RTN4RL1: variants seen among roughly 807,000 people sequenced by gnomAD.
RTN4RL1 encodes the protein reticulon 4 receptor like 1, also known as reticulon-4 receptor-like 1.
Under a neutral mutation model 25.6 loss-of-function variants are expected in RTN4RL1, and 7 were observed. The ratio of observed to expected loss-of-function variants is 0.27; its 90% CI spans 0.16 to 0.51. The LOEUF (loss-of-function observed/expected upper bound fraction) is 0.51. RTN4RL1 is among the 20% of genes least tolerant of loss of function. RTN4RL1 has a pLI of 0.97. For missense variants in RTN4RL1, 500 were observed against 615.6 expected (o/e 0.81, Z 1.99); for synonymous variants, 297 against 288.2 (o/e 1.03, Z -0.31).
At chr17:1,979,680 T>A (rs866928345) in intron 1 of RTN4RL1, among the ~76,000 whole-genome samples, 11 of 152,126 alleles carry the variant, frequency 7.2e-5, no homozygotes, top group Middle Eastern at 3.2e-3. Context: ...CCTGAAGCAA[T>A]CACTGCGCAC....
chr17:1,936,286 C>T lies in RTN4RL1; in HGVS notation c.*210G>A, dbSNP rs1050177378. ...GCTCTGCGGGGCTGGCTGGGACAGC[C>T]GGCTGAGAAGCGCCACCCCCTCCCG... On this transcript the variant is annotated 3_prime_UTR_variant, in exon 2 of 2. Transcript: ENST00000331238. The T allele has an allele frequency of 1.8e-5, 25 of 1,376,236 alleles. No homozygotes were observed. The highest frequency in any genetic ancestry group is 3.0e-5 in the African/African-American group (2 of 66,190). The allele number at this position is 1,376,236 out of a possible 1,614,324, so 85.3% of individuals were successfully genotyped here.
chr17:1,991,386 G>T (rs896418725), intron 1 of RTN4RL1, among the ~76,000 whole-genome samples: 4 of 120,798 alleles, frequency 3.3e-5, no homozygotes, highest in Non-Finnish European at 6.8e-5. Flanking sequence ...CTGTGAGTTT[G>T]TTTTTTTTTG....
At position 1,937,297 on chromosome 17, in the gene RTN4RL1, G is replaced by A; in HGVS notation, c.525C>T (p.Leu175=). The A allele has an allele frequency of 6.2e-7, 1 of 1,613,284 alleles. No individual in the cohort carries two copies. The highest frequency in any genetic ancestry group is 8.5e-7 in the Non-Finnish European group (1 of 1,179,888). ...TGTTGCCGTGGAGAAACAGGTGGCT[G>A]AGGTTGACCAGGTCCACGAAGATGT... ...QDDIFVDLVN[L]SHLFLHGNKL... Residue 175 remains leucine (L), a synonymous_variant, in exon 2 of 2, where the codon CTC becomes CTT. Transcript: ENST00000331238.
chr17:2,008,129 TGTG>T (rs575418850), intron 1 of RTN4RL1, among the ~76,000 whole-genome samples: 1 of 150,208 alleles, frequency 6.7e-6, no homozygotes, highest in African/African-American at 2.5e-5. Context: ...ATTATCCGGC[TGTG>T]GTGGTGCATG....
chr17:1,960,731 C>T (rs1308059484), intron 1 of RTN4RL1, among the ~76,000 whole-genome samples: 1 of 152,138 alleles, frequency 6.6e-6, no homozygotes, highest in Non-Finnish European at 1.5e-5. Context: ...CAGCCCCTGG[C>T]AAACACTAAT....
intron 1 of RTN4RL1, among the ~76,000 whole-genome samples, chr17:1,991,999 C>T (rs1254033609): frequency 6.6e-6 from 1 of 152,140 alleles, no homozygotes; most frequent in Non-Finnish European, 1.5e-5. Context: ...ACCCTCCTTC[C>T]TTGTACACAC....
intron 1 of RTN4RL1, among the ~76,000 whole-genome samples, chr17:1,979,582 ACC>A (rs2066858318): frequency 6.6e-6 from 1 of 152,148 alleles, no homozygotes; most frequent in Non-Finnish European, 1.5e-5. Context: ...CAACTGACTC[ACC>A]CTGTCTTGGC....
intron 1 of RTN4RL1, among the ~76,000 whole-genome samples, chr17:1,983,091 C>T (rs1035431632): frequency 2.0e-5 from 3 of 151,572 alleles, no homozygotes; most frequent in African/African-American, 7.3e-5. Context: ...CGCCCTGTCA[C>T]CCAGGCTGGA....
intron 1 of RTN4RL1, among the ~76,000 whole-genome samples, chr17:2,014,756 T>G (rs1423608276): frequency 6.6e-6 from 1 of 151,482 alleles, no homozygotes; most frequent in African/African-American, 2.4e-5. Flanking sequence ...CGCTTGAATC[T>G]GGGAGACAGA....
At chr17:2,009,262 C>T (rs2067025614) in intron 1 of RTN4RL1, among the ~76,000 whole-genome samples, 1 of 152,062 alleles carries the variant, frequency 6.6e-6, no homozygotes, top group Non-Finnish European at 1.5e-5. Flanking sequence ...GAGTTCAAGA[C>T]CAGCCTGGTC....
Position 1,937,247 on chromosome 17 carries a change from G to A in RTN4RL1, c.575C>T (p.Thr192Ile), listed in dbSNP as rs1171163904. The change falls in exon 2 of 2, where the codon ACC (threonine) becomes ATC (isoleucine). Residue 192 changes from threonine to isoleucine, a missense_variant. Coordinates refer to ENST00000331238, the MANE Select transcript of RTN4RL1 (RefSeq NM_178568.4). ...GNKLWSLGPG[T>I]FRGLVNLDRL... ...GTCCAGGTTCACCAGGCCCCGGAAG[G>A]TGCCCGGGCCCAGACTCCACAGCTT... 1 of 1,612,328 alleles carries A rather than the reference G, an allele frequency of 6.2e-7. No homozygotes were observed. The highest frequency in any genetic ancestry group is 8.5e-7 in the Non-Finnish European group (1 of 1,179,884).
intron 1 of RTN4RL1, among the ~76,000 whole-genome samples, chr17:1,977,641 TG>T (rs1416112309): frequency 1.3e-5 from 2 of 151,836 alleles, no homozygotes; most frequent in African/African-American, 4.8e-5. Context: ...GAGCGGTAAG[TG>T]GGGGCGGGAG....
chr17:1,962,974 G>A (rs2066772928), intron 1 of RTN4RL1, among the ~76,000 whole-genome samples: 1 of 151,534 alleles, frequency 6.6e-6, no homozygotes, highest in African/African-American at 2.4e-5. Flanking sequence ...GTCTCACTCA[G>A]TTGCCCTGGC....
At position 1,967,396 on chromosome 17, in the gene RTN4RL1, C is replaced by T. The variant is rs551367715; in HGVS notation, c.14-29588G>A. 5.9e-5 allele frequency among the ~76,000 whole-genome samples: 9 copies of T among 152,274 alleles called. No homozygotes were observed. In the South Asian group the frequency reaches 1.9e-3, roughly 32 times the overall value. ...TCCTCAGCTCCCCGCCCCCGCTACC[C>T]ACCACGCCTCGCCGTCTGTCTGTAG... On this transcript the variant is annotated intron_variant, in intron 1 of 1. Transcript: ENST00000331238.
At chr17:1,981,115 T>C (rs2066865507) in intron 1 of RTN4RL1, among the ~76,000 whole-genome samples, 1 of 148,286 alleles carries the variant, frequency 6.7e-6, no homozygotes, top group Non-Finnish European at 1.5e-5. Context: ...CCTGGGAGCC[T>C]CGTGCCTAGG....
chr17:1,960,365 A>G (rs1915870888), intron 1 of RTN4RL1, among the ~76,000 whole-genome samples: 1 of 152,096 alleles, frequency 6.6e-6, no homozygotes, highest in Non-Finnish European at 1.5e-5. Flanking sequence ...CGAAATCTTC[A>G]GTGGCTTTCC....
chr17:1,946,818 G>A (rs982565359), intron 1 of RTN4RL1, among the ~76,000 whole-genome samples: 3 of 148,160 alleles, frequency 2.0e-5, no homozygotes. Flanking sequence ...TGTGAATTGT[G>A]TGTGCACGGG....
In RTN4RL1 at chr17:2,024,709, C is replaced by T. The variant is rs189180501; in HGVS notation, c.13+144G>A. ...CGGGAGCTGAGCCCCAGCAGCAGCC[C>T]CTCGGCGGGTGCGCCCGGCAAAACC... is the stretch of plus-strand genomic sequence containing the variant. On this transcript the variant is annotated intron_variant, in intron 1 of 1. Coordinates refer to ENST00000331238, the MANE Select transcript of RTN4RL1 (RefSeq NM_178568.4). 5.3e-4 allele frequency: 372 copies of T among 699,260 alleles called. 2 individuals carry two copies. In the African/African-American group the frequency reaches 5.6e-3, roughly 10 times the overall value. 43.3% of individuals were successfully genotyped at this position (699,260 alleles called of 1,614,324 possible).
At chr17:1,961,773 C>CAAAAAAAAAATA (rs2066762919) in intron 1 of RTN4RL1, among the ~76,000 whole-genome samples, 1 of 55,580 alleles carries the variant, frequency 1.8e-5, no homozygotes, top group East Asian at 5.3e-4. Context: ...ACTAAAAATA[C>CAAAAAAAAAATA]AAAAAAAAAA....
Sources: allele counts gnomAD v4.1 joint callset (sites outside exome capture counted in the v4.1 genomes callset), GRCh38; gene constraint gnomAD v4.1.1; transcripts MANE v1.5; gene names NCBI Gene and HGNC (gene_info 2026-07-23, HGNC 2026-07-21).